TMEM266: variants seen among roughly 807,000 people sequenced by gnomAD.
TMEM266 encodes Hv1 related protein 1.
TMEM266 carries 33 observed loss-of-function variants against 50.5 expected under a neutral mutation model. That is an observed-to-expected ratio of 0.65 (90% CI 0.50 to 0.87). TMEM266 has a LOEUF of 0.87. TMEM266 is among the 40% of genes least tolerant of loss of function. The pLI, the probability that TMEM266 is intolerant of heterozygous loss-of-function variation, is 0.00. For missense variants in TMEM266, 655 were observed against 695.1 expected (o/e 0.94, Z 0.65); for synonymous variants, 310 against 292.3 (o/e 1.06, Z -0.62).
intron 1 of TMEM266, among the ~76,000 whole-genome samples, chr15:76,104,158 G>C (rs1355714723): frequency 6.6e-6 from 1 of 150,888 alleles, no homozygotes; most frequent in African/African-American, 2.4e-5. Context: ...AGTGAGCCGA[G>C]ATCACGCCAC....
At chr15:76,131,373 TCAAA>T (rs981112756) in intron 1 of TMEM266, among the ~76,000 whole-genome samples, 5 of 152,300 alleles carry the variant, frequency 3.3e-5, no homozygotes, top group Middle Eastern at 3.4e-3. Flanking sequence ...AAACTCTGTC[TCAAA>T]CAAACAAACA....
At chr15:76,102,883 G>A (rs2037023733) in intron 1 of TMEM266, among the ~76,000 whole-genome samples, 1 of 151,472 alleles carries the variant, frequency 6.6e-6, no homozygotes, top group African/African-American at 2.4e-5. Context: ...GGCTAGAGAG[G>A]TTAACACAGA....
At chr15:76,107,142 T>C (rs2037094634) in intron 1 of TMEM266, among the ~76,000 whole-genome samples, 1 of 152,220 alleles carries the variant, frequency 6.6e-6, no homozygotes, top group Admixed American at 6.5e-5. Context: ...AAGAAACAGG[T>C]AAAAATAATT....
At chr15:76,115,833 C>T (rs771544857) in intron 1 of TMEM266, among the ~76,000 whole-genome samples, 3 of 152,180 alleles carry the variant, frequency 2.0e-5, no homozygotes, top group Non-Finnish European at 4.4e-5. Context: ...TACCCATGTG[C>T]AGCCAGGATG....
intron 1 of TMEM266, among the ~76,000 whole-genome samples, chr15:76,099,987 T>C (rs2036978579): frequency 6.6e-6 from 1 of 152,096 alleles, no homozygotes; most frequent in Non-Finnish European, 1.5e-5. Flanking sequence ...CTCATGAGAA[T>C]TCATTCACTA....
chr15:76,116,472 C>G (rs1413077839), intron 1 of TMEM266, among the ~76,000 whole-genome samples: 1 of 151,990 alleles, frequency 6.6e-6, no homozygotes, highest in East Asian at 1.9e-4. Context: ...TCAGAGACAC[C>G]GTCCTGTCCC....
intron 5 of TMEM266, among the ~76,000 whole-genome samples, chr15:76,166,258 G>C (rs1240795457): frequency 6.6e-6 from 1 of 152,156 alleles, no homozygotes; most frequent in Admixed American, 6.5e-5. Flanking sequence ...AGCAGGTGGG[G>C]TGTATCAGAG....
rs186224766 is a variant in TMEM266, at chr15:76,093,941, T to C, written c.-97+33925T>C. ...TTGAAAAGGGTCTGTTCATATCCTT[T>C]GCCCACTTTTTGATGGGGTTGCTTG... is the stretch of plus-strand genomic sequence containing the variant. On this transcript the variant is annotated intron_variant, in intron 1 of 10. Transcript: ENST00000388942. 2.1e-3 allele frequency among the ~76,000 whole-genome samples: 322 copies of C among 152,220 alleles called. 2 individuals are homozygous for C. Among genetic ancestry groups the C allele is most frequent in the African/African-American group, 7.3e-3 (304 of 41,566 alleles).
intron 1 of TMEM266, among the ~76,000 whole-genome samples, chr15:76,101,640 A>T (rs1468896376): frequency 1.3e-5 from 2 of 152,184 alleles, no homozygotes; most frequent in African/African-American, 4.8e-5. Context: ...AAATGCTCTA[A>T]CTCCACAACA....
At chr15:76,098,082 C>A (rs997039378) in intron 1 of TMEM266, among the ~76,000 whole-genome samples, 2 of 152,144 alleles carry the variant, frequency 1.3e-5, no homozygotes, top group South Asian at 4.2e-4. Context: ...TATTACCCAC[C>A]TTCTGAAGTC....
chr15:76,071,854 G>C (rs569475726), intron 1 of TMEM266, among the ~76,000 whole-genome samples: 45 of 152,176 alleles, frequency 3.0e-4, no homozygotes, highest in Admixed American at 1.3e-4. Context: ...AGGGCAGGGG[G>C]AGGAGCTTTG....
At chr15:76,197,308 GA>G (rs1432725119) in intron 9 of TMEM266, among the ~76,000 whole-genome samples, 2 of 152,216 alleles carry the variant, frequency 1.3e-5, no homozygotes, top group Non-Finnish European at 2.9e-5. Flanking sequence ...GAAGCAACCG[GA>G]GGGACATGGG....
At chr15:76,067,308 G>C (rs996927792) in intron 1 of TMEM266, among the ~76,000 whole-genome samples, 4 of 152,110 alleles carry the variant, frequency 2.6e-5, no homozygotes, top group African/African-American at 7.2e-5. Context: ...ACTCCTGAAG[G>C]CCTCGGGTCT....
chr15:76,132,940 G>A (rs1322058655), intron 1 of TMEM266, among the ~76,000 whole-genome samples: 1 of 151,120 alleles, frequency 6.6e-6, no homozygotes, highest in Admixed American at 6.6e-5. Context: ...TTTGAGACCA[G>A]CCTGGGCAAC....
chr15:76,158,452 T>TC (rs1451818298), intron 4 of TMEM266, among the ~76,000 whole-genome samples: 2 of 152,132 alleles, frequency 1.3e-5, no homozygotes, highest in Non-Finnish European at 2.9e-5. Flanking sequence ...AGCCTTTCTT[T>TC]CCCCGTGGCG....
intron 1 of TMEM266, among the ~76,000 whole-genome samples, chr15:76,094,371 G>A (rs980313551): frequency 6.6e-6 from 1 of 152,036 alleles, no homozygotes; most frequent in Non-Finnish European, 1.5e-5. Context: ...ATTAAATAGG[G>A]AATCTTTTAC....
chr15:76,092,784 A>C (rs1175086136), intron 1 of TMEM266, among the ~76,000 whole-genome samples: 1 of 150,358 alleles, frequency 6.7e-6, no homozygotes, highest in Non-Finnish European at 1.5e-5. Context: ...TGAATTCATG[A>C]CAATGCTATG....
chr15:76,166,714 A>C (rs150913797), intron 5 of TMEM266, among the ~76,000 whole-genome samples: 88 of 152,324 alleles, frequency 5.8e-4, no homozygotes, highest in African/African-American at 2.1e-3. Context: ...TTTCTAAAGA[A>C]GCATGATGAT....
intron 1 of TMEM266, among the ~76,000 whole-genome samples, chr15:76,123,350 G>A (rs2037370904): frequency 6.6e-6 from 1 of 152,190 alleles, no homozygotes. Context: ...CCTCCTGAGG[G>A]TGTGGAACAT....
Sources: gnomAD v4.1 joint callset for allele counts (sites outside exome capture counted in the v4.1 genomes callset) on GRCh38, gnomAD v4.1.1 for gene constraint, MANE v1.5 for transcripts, NCBI Gene and HGNC (gene_info 2026-07-23, HGNC 2026-07-21) for gene names.